The following KATNBL1 variants were observed in gnomAD, a reference collection of about 807,000 sequenced individuals.
KATNBL1 encodes katanin regulatory subunit B1 like 1, also known as KATNB1-like protein 1.
A neutral mutation model predicts 44.7 loss-of-function variants in KATNBL1; 28 were observed. The observed-to-expected ratio is 0.63, with a 90% CI of 0.46 to 0.86. KATNBL1 has a LOEUF of 0.86. Ranked by LOEUF, KATNBL1 falls within the 40% of genes least tolerant of loss-of-function variation. The pLI is 0.00. For missense variants in KATNBL1, 272 were observed against 350.7 expected (o/e 0.78, Z 1.79); for synonymous variants, 78 against 114.9 (o/e 0.68, Z 2.06).
intron 1 of KATNBL1, among the ~76,000 whole-genome samples, chr15:34,194,674 G>A (rs1195533781): frequency 2.6e-5 from 4 of 152,084 alleles, no homozygotes; most frequent in Admixed American, 6.6e-5. Context: ...TCAACAAAGT[G>A]AACAGACAGT....
chr15:34,196,454 C>T (rs879259329), intron 1 of KATNBL1, among the ~76,000 whole-genome samples: 10 of 151,150 alleles, frequency 6.6e-5, no homozygotes, highest in East Asian at 2.0e-4. Flanking sequence ...TGACTGGGCG[C>T]GGTGCCTCAT....
chr15:34,147,154 G>A (rs1888334165), intron 7 of KATNBL1, 46 bp downstream of exon 7: 2 of 1,212,242 alleles, frequency 1.6e-6, no homozygotes, highest in South Asian at 1.2e-5. Flanking sequence ...ACAAAATCAA[G>A]GATGCTGAAA....
At chr15:34,198,762 G>T (rs756323034) in intron 1 of KATNBL1, among the ~76,000 whole-genome samples, 2 of 152,186 alleles carry the variant, frequency 1.3e-5, no homozygotes, top group Admixed American at 6.5e-5. Flanking sequence ...GGTGTATTTG[G>T]TCAAGAACTG....
intron 3 of KATNBL1, among the ~76,000 whole-genome samples, chr15:34,153,792 A>G (rs1888554922): frequency 6.6e-6 from 1 of 152,232 alleles, no homozygotes; most frequent in African/African-American, 2.4e-5. Context: ...GATGATCTTG[A>G]TCTCTTGACC....
At chr15:34,196,526 A>G (rs1481953659) in intron 1 of KATNBL1, among the ~76,000 whole-genome samples, 1 of 152,138 alleles carries the variant, frequency 6.6e-6, no homozygotes, top group Admixed American at 6.6e-5. Flanking sequence ...TCAGGAGTTC[A>G]AGACCAACCT....
At chr15:34,148,773 G>A in intron 4 of KATNBL1, 23 bp from the exon 5 acceptor site, 1 of 1,333,168 alleles carries the variant, frequency 7.5e-7, no homozygotes. Context: ...AATCTGATTT[G>A]TTAAAAAGCA....
Position 34,142,193 on chromosome 15 carries a change from G to A in KATNBL1, c.*146C>T. On this transcript the variant is annotated 3_prime_UTR_variant, in exon 10 of 10. Transcript: ENST00000256544. ...AGCAGATTGCTGGGATTTCATTAGT[G>A]GTTTCATTACGTGGCTTTTTAAAAG... 1.5e-6 allele frequency: 1 copy of A among 686,922 alleles called. No individual in the cohort carries two copies. The highest frequency in any genetic ancestry group is 2.2e-6 in the Non-Finnish European group (1 of 461,570). 42.6% of individuals were successfully genotyped at this position (686,922 alleles called of 1,614,324 possible). A position where few individuals can be genotyped will look rare whatever the true frequency, so the allele number is the denominator to read the frequency against.
chr15:34,154,861 T>C (rs1261877154), intron 2 of KATNBL1, 177 bp from the exon 3 acceptor site: 1 of 594,278 alleles, frequency 1.7e-6, no homozygotes, highest in African/African-American at 1.9e-5. Context: ...GGGGTTCTTA[T>C]CCCTAATGCA....
chr15:34,157,116 C>A (rs1356459432), intron 2 of KATNBL1, among the ~76,000 whole-genome samples: 1 of 152,166 alleles, frequency 6.6e-6, no homozygotes, highest in African/African-American at 2.4e-5. Context: ...CACATCTCCA[C>A]AGGGCATCAC....
rs187557411 is a variant in KATNBL1, at chr15:34,198,546, C to T, written c.-15+11405G>A. On this transcript the variant is annotated intron_variant, in intron 1 of 9. Transcript: ENST00000256544. ...TCCAGCAGGACTTGCTGAGTAATCT[C>T]AATGAATGTTTCTCTACATTTTAAT... 1.7e-3 allele frequency among the ~76,000 whole-genome samples: 258 copies of T among 152,314 alleles called. 3 individuals are homozygous for T. Among genetic ancestry groups the T allele is most frequent in the Middle Eastern group, 0.014 (4 of 294 alleles).
chr15:34,163,470 C>G, intron 2 of KATNBL1, 90 bp downstream of exon 2: 2 of 1,394,042 alleles, frequency 1.4e-6, no homozygotes, highest in Non-Finnish European at 1.9e-6. Flanking sequence ...GAATTATTAT[C>G]CTCCCATTGT....
At chr15:34,172,748 C>CAG (rs1889204911) in intron 1 of KATNBL1, among the ~76,000 whole-genome samples, 1 of 111,538 alleles carries the variant, frequency 9.0e-6, no homozygotes, top group Non-Finnish European at 1.8e-5. Context: ...GACACATAGA[C>CAG]ACACAGACAC....
intron 4 of KATNBL1, among the ~76,000 whole-genome samples, chr15:34,150,961 T>C (rs374395349): frequency 1.3e-5 from 2 of 152,328 alleles, no homozygotes; most frequent in East Asian, 3.9e-4. Flanking sequence ...TGGCTGCATA[T>C]AGTATTCCAT....
At chr15:34,145,640 C>A (rs1354449805) in intron 8 of KATNBL1, 149 bp from the exon 9 acceptor site, 3 of 682,536 alleles carry the variant, frequency 4.4e-6, no homozygotes, top group South Asian at 5.5e-5. Flanking sequence ...CATTTGGGAA[C>A]GTGGAGAGAA....
chr15:34,197,739 A>G (rs906488023), intron 1 of KATNBL1, among the ~76,000 whole-genome samples: 2 of 152,134 alleles, frequency 1.3e-5, no homozygotes, highest in Non-Finnish European at 2.9e-5. Flanking sequence ...TTTTAAATAA[A>G]AGAATGAGGT....
At chr15:34,202,097 G>A (rs1186467741) in intron 1 of KATNBL1, among the ~76,000 whole-genome samples, 1 of 152,110 alleles carries the variant, frequency 6.6e-6, no homozygotes, top group East Asian at 1.9e-4. Context: ...TAGATAATGA[G>A]GGATGAATGT....
At chr15:34,206,707 C>T (rs1890300987) in intron 1 of KATNBL1, among the ~76,000 whole-genome samples, 1 of 151,762 alleles carries the variant, frequency 6.6e-6, no homozygotes, top group Non-Finnish European at 1.5e-5. Context: ...AGGAGAATAG[C>T]TTGAACCCGG....
At position 34,140,966 on chromosome 15, in the gene KATNBL1, G is replaced by A. The variant is rs1211225183; in HGVS notation, c.*1373C>T. ...AGAAATCTGCTTGAGATTCGTATCA[G>A]TAGTCATTAAACGAATAAATGCTAA... On this transcript the variant is annotated 3_prime_UTR_variant, in exon 10 of 10. Transcript: ENST00000256544. 2 of 152,146 alleles carry A rather than the reference G, an allele frequency of 1.3e-5. No individual in the cohort carries two copies. The highest frequency in any genetic ancestry group is 2.9e-5 in the Non-Finnish European group (2 of 67,998). 9.4% of individuals were successfully genotyped at this position (152,146 alleles called of 1,614,324 possible).
chr15:34,209,553 A>C (rs1402633505), intron 1 of KATNBL1: 1 of 152,186 alleles, frequency 6.6e-6, no homozygotes, highest in African/African-American at 2.4e-5. Context: ...AAAATAAGGA[A>C]ATGCCTGGGC....
Sources: gnomAD v4.1 joint callset for allele counts (sites outside exome capture counted in the v4.1 genomes callset) on GRCh38, gnomAD v4.1.1 for gene constraint, MANE v1.5 for transcripts, NCBI Gene and HGNC (gene_info 2026-07-23, HGNC 2026-07-21) for gene names.